CDK8: variants seen among roughly 807,000 people sequenced by gnomAD.
CDK8 encodes the protein cyclin dependent kinase 8, also known as cyclin-dependent kinase 8.
In CDK8, 29 loss-of-function variants were observed where a neutral mutation model predicts 71.5. The observed-to-expected ratio is 0.41, with a 90% CI of 0.30 to 0.55. The LOEUF is 0.55. CDK8 is among the 20% of genes least tolerant of loss of function. The probability of loss-of-function intolerance (pLI) is 0.37; values close to 1 mark genes in which losing one functional copy is unlikely to be tolerated. For synonymous variants in CDK8, 161 were observed against 192.1 expected (o/e 0.84, Z 1.34); for missense variants, 288 against 572.6 (o/e 0.50, Z 5.07).
At chr13:26,258,527 T>A (rs1164333686) in intron 1 of CDK8, among the ~76,000 whole-genome samples, 1 of 151,080 alleles carries the variant, frequency 6.6e-6, no homozygotes, top group East Asian at 1.9e-4. Flanking sequence ...GACTAAACTC[T>A]AATGAAAGCC....
chr13:26,309,545 A>T (rs1874192394), intron 1 of CDK8, among the ~76,000 whole-genome samples: 1 of 152,030 alleles, frequency 6.6e-6, no homozygotes, highest in African/African-American at 2.4e-5. Flanking sequence ...TTTTCTTCTC[A>T]TTCTTCTATG....
chr13:26,392,061 A>G (rs1028304850), intron 6 of CDK8, among the ~76,000 whole-genome samples: 2 of 152,208 alleles, frequency 1.3e-5, no homozygotes, highest in Non-Finnish European at 2.9e-5. Context: ...TGGTTAAGTC[A>G]GTCAAAAACC....
At chr13:26,354,150 T>C (rs1366417320) in intron 4 of CDK8, among the ~76,000 whole-genome samples, 1 of 152,236 alleles carries the variant, frequency 6.6e-6, no homozygotes, top group Non-Finnish European at 1.5e-5. Flanking sequence ...AATAAAGCAT[T>C]GGCTTGCTTT....
At chr13:26,372,219 CTG>C (rs944300636) in intron 4 of CDK8, among the ~76,000 whole-genome samples, 10 of 152,112 alleles carry the variant, frequency 6.6e-5, no homozygotes, top group African/African-American at 2.4e-4. Flanking sequence ...AAGTTGAAAA[CTG>C]TGCTATTTAA....
At chr13:26,286,325 A>G (rs913894699) in intron 1 of CDK8, among the ~76,000 whole-genome samples, 2 of 152,236 alleles carry the variant, frequency 1.3e-5, no homozygotes, top group Non-Finnish European at 2.9e-5. Flanking sequence ...ATGTAGACCA[A>G]TGGAACAGAT....
chr13:26,300,969 A>T (rs182355067), intron 1 of CDK8, among the ~76,000 whole-genome samples: 1 of 152,302 alleles, frequency 6.6e-6, no homozygotes, highest in East Asian at 1.9e-4. Flanking sequence ...TCCTGAACAA[A>T]GCTGTATCCT....
intron 1 of CDK8, among the ~76,000 whole-genome samples, chr13:26,300,684 T>G (rs1873783859): frequency 6.6e-6 from 1 of 152,174 alleles, no homozygotes; most frequent in Non-Finnish European, 1.5e-5. Context: ...ACAGGGAAAT[T>G]TAAGATCCTT....
chr13:26,289,349 G>A (rs1314040445), intron 1 of CDK8, among the ~76,000 whole-genome samples: 3 of 151,998 alleles, frequency 2.0e-5, no homozygotes, highest in Admixed American at 1.3e-4. Flanking sequence ...CACTGCGCCC[G>A]GCCAGCTTCA....
intron 1 of CDK8, among the ~76,000 whole-genome samples, chr13:26,260,890 G>A (rs1288295835): frequency 3.0e-4 from 46 of 152,118 alleles, no homozygotes; most frequent in Admixed American, 3.0e-3. Context: ...CTTTCTTGTA[G>A]TGCCTTTCAC....
At chr13:26,290,015 T>G (rs1200017666) in intron 1 of CDK8, among the ~76,000 whole-genome samples, 1 of 152,216 alleles carries the variant, frequency 6.6e-6, no homozygotes, top group African/African-American at 2.4e-5. Context: ...CACAAATATT[T>G]GATGTAAAAA....
intron 1 of CDK8, among the ~76,000 whole-genome samples, chr13:26,267,186 G>A (rs951851664): frequency 6.6e-6 from 1 of 152,186 alleles, no homozygotes; most frequent in African/African-American, 2.4e-5. Context: ...TTTAGGGATA[G>A]ATGTTGAAGT....
chr13:26,308,966 C>T (rs1443395092), intron 1 of CDK8, among the ~76,000 whole-genome samples: 1 of 152,168 alleles, frequency 6.6e-6, no homozygotes, highest in Non-Finnish European at 1.5e-5. Context: ...TTCTCTAGAC[C>T]TTAACTTGTT....
chr13:26,322,528 G>A (rs1035261459), intron 1 of CDK8, among the ~76,000 whole-genome samples: 19 of 152,180 alleles, frequency 1.2e-4, no homozygotes, highest in African/African-American at 4.6e-4. Context: ...GTGGTGAGTG[G>A]GAGGAGACAG....
chr13:26,380,056 G>A (rs1875142103), intron 4 of CDK8, among the ~76,000 whole-genome samples: 1 of 152,262 alleles, frequency 6.6e-6, no homozygotes. Flanking sequence ...AGCAGGAGCA[G>A]TGGGATGCAG....
chr13:26,320,294 C>G (rs1188790222), intron 1 of CDK8, among the ~76,000 whole-genome samples: 3 of 151,816 alleles, frequency 2.0e-5, no homozygotes, highest in Admixed American at 1.3e-4. Context: ...ACCTGTAGTT[C>G]CAGCTACTCA....
At chr13:26,385,715 C>T (rs1190084091) in intron 6 of CDK8, among the ~76,000 whole-genome samples, 6 of 151,712 alleles carry the variant, frequency 4.0e-5, no homozygotes, top group Admixed American at 6.6e-5. Context: ...CCAGCCTAGG[C>T]GACGGGGAGA....
At chr13:26,373,155 A>C (rs900928288) in intron 4 of CDK8, among the ~76,000 whole-genome samples, 1 of 152,196 alleles carries the variant, frequency 6.6e-6, no homozygotes, top group Non-Finnish European at 1.5e-5. Context: ...GTCACCTCAG[A>C]GAGACCTTCC....
At chr13:26,296,302 C>T (rs1593246424) in intron 1 of CDK8, among the ~76,000 whole-genome samples, 1 of 152,320 alleles carries the variant, frequency 6.6e-6, no homozygotes, top group East Asian at 1.9e-4. Context: ...GAACTACCAC[C>T]TATCTGGTTT....
At chr13:26,315,889 A>G (rs554814883) in intron 1 of CDK8, among the ~76,000 whole-genome samples, 5 of 152,230 alleles carry the variant, frequency 3.3e-5, no homozygotes, top group Non-Finnish European at 4.4e-5. Context: ...CACTGGCGGA[A>G]TCTGTCCTGT....
Sources: allele counts gnomAD v4.1 joint callset (sites outside exome capture counted in the v4.1 genomes callset), GRCh38; gene constraint gnomAD v4.1.1; transcripts MANE v1.5; gene names NCBI Gene and HGNC (gene_info 2026-07-23, HGNC 2026-07-21).